GRAMD4: variants seen among roughly 807,000 people sequenced by gnomAD.
The protein encoded by GRAMD4 is GRAM domain containing 4.
GRAMD4 carries 25 observed loss-of-function variants against 83.9 expected under a neutral mutation model. That is an observed-to-expected ratio of 0.30 (90% CI 0.22 to 0.42). The LOEUF is 0.42. Among genes scored for constraint, GRAMD4 ranks in the 10% least tolerant of loss-of-function variants. The pLI is 1.00. For synonymous variants in GRAMD4, 336 were observed against 320.9 expected, an observed-to-expected ratio of 1.05 and a Z score of -0.50; for missense variants, 593 against 788.7, an observed-to-expected ratio of 0.75 and a Z score of 2.97.
chr22:46,682,673 C>G (rs2082676709), downstream of GRAMD4, among the ~76,000 whole-genome samples: 1 of 152,226 alleles, frequency 6.6e-6, no homozygotes, highest in Non-Finnish European at 1.5e-5. Context: ...ATCGCGAACA[C>G]CCCCCAAAAT....
intron 1 of GRAMD4, among the ~76,000 whole-genome samples, chr22:46,624,372 A>G (rs1365522665): frequency 4.5e-5 from 5 of 111,474 alleles, no homozygotes; most frequent in Non-Finnish European, 6.6e-5. Context: ...CTCACTGCCC[A>G]GGCTGGAGTG....
At chr22:46,616,193 C>G (rs1411780756), upstream of GRAMD4, among the ~76,000 whole-genome samples, 4 of 57,566 alleles carry the variant, frequency 6.9e-5, no homozygotes, top group African/African-American at 1.5e-4. Context: ...CCTGTGTGTA[C>G]GTTCCCCTGT....
At position 46,577,421 on chromosome 22, in the gene GRAMD4, C is replaced by CCG. The variant is rs1424107068; in HGVS notation, c.-50+132_-50+133insGC. The CCG allele has an allele frequency of 1.5e-4, 70 of 456,512 alleles. 1 individual carries two copies. Among genetic ancestry groups the CCG allele is most frequent in the Non-Finnish European group, 1.9e-4 (66 of 348,122 alleles). The allele number at this position is 456,512 out of a possible 1,614,324, so 28.3% of individuals were successfully genotyped here. The stretch of plus-strand genomic sequence containing the variant: ...CCCGCCGCCGCCGCCGCCGCCCGGG[C>CCG]CCGAGCCGGCGACCCTCCGAGCAGG... On this transcript the variant is annotated intron_variant, in intron 1 of 1. Coordinates refer to the GRAMD4 transcript ENST00000431155.
chr22:46,654,447 G>GTGA (rs1361556327), intron 3 of GRAMD4, among the ~76,000 whole-genome samples: 3 of 152,218 alleles, frequency 2.0e-5, no homozygotes, highest in Non-Finnish European at 2.9e-5. Flanking sequence ...AGCCCGGCGT[G>GTGA]TGATGATTAC....
upstream of GRAMD4, among the ~76,000 whole-genome samples, chr22:46,617,847 A>G (rs1406362614): frequency 6.6e-6 from 1 of 152,216 alleles, no homozygotes; most frequent in Non-Finnish European, 1.5e-5. Context: ...TGACCCTCGT[A>G]TGACTCAAGC....
chr22:46,658,067 T>G (rs750229587), intron 3 of GRAMD4, 120 bp from the exon 4 acceptor site: 21 of 1,241,622 alleles, frequency 1.7e-5, no homozygotes, highest in Non-Finnish European at 2.5e-5. Context: ...GGTGCTCAGG[T>G]CCGCTTACGG....
At chr22:46,643,939 C>G (rs998108272) in intron 3 of GRAMD4, among the ~76,000 whole-genome samples, 2 of 152,140 alleles carry the variant, frequency 1.3e-5, no homozygotes, top group East Asian at 1.9e-4. Context: ...TCAGAGAAGT[C>G]GAGTTTGTCT....
chr22:46,682,308 C>A, downstream of GRAMD4: 1 of 456,958 alleles, frequency 2.2e-6, no homozygotes, highest in Non-Finnish European at 2.9e-6. Flanking sequence ...CAGCTGGCAT[C>A]GCAAGCTAGG....
chr22:46,661,220 G>A (rs1002478718), intron 4 of GRAMD4, among the ~76,000 whole-genome samples, 161 bp from the exon 5 acceptor site: 2 of 152,224 alleles, frequency 1.3e-5, no homozygotes, highest in African/African-American at 2.4e-5. Flanking sequence ...GCCTGGATAC[G>A]CTCGGAACCA....
intron 1 of GRAMD4, among the ~76,000 whole-genome samples, chr22:46,581,092 G>A (rs1007000105): frequency 3.4e-4 from 52 of 152,158 alleles, no homozygotes; most frequent in South Asian, 6.2e-4. Context: ...ACTTTGGGCT[G>A]GTAATTCGCC....
rs980701533 is a variant in GRAMD4 at position 46,639,182 on chromosome 22, A to G, written c.283+1222A>G. On this transcript the variant is annotated intron_variant, in intron 3 of 18. Coordinates refer to ENST00000406902, the MANE Select transcript of GRAMD4 (RefSeq NM_015124.5). The stretch of plus-strand genomic sequence containing the variant: ...TGTGTGTGTGTGTGTGTGTGTGTGT[A>G]TGTACAGTGGTGGTTAACTCTGTGT... 5.0e-3 allele frequency among the ~76,000 whole-genome samples: 565 copies of G among 113,902 alleles called. 3 individuals carry two copies. Among genetic ancestry groups the G allele is most frequent in the African/African-American group, 0.017 (532 of 32,152 alleles). 74.7% of individuals were successfully genotyped at this position (113,902 alleles called of 152,430 possible).
chr22:46,628,074 A>G (rs545672772), intron 2 of GRAMD4, among the ~76,000 whole-genome samples: 7 of 152,306 alleles, frequency 4.6e-5, no homozygotes, highest in African/African-American at 1.7e-4. Flanking sequence ...CACAGAGGGC[A>G]TGGGTCACGA....
chr22:46,668,604 C>A, intron 11 of GRAMD4, 85 bp from the exon 12 acceptor site: 1 of 1,294,244 alleles, frequency 7.7e-7, no homozygotes, highest in Non-Finnish European at 1.1e-6. Context: ...CAGGGCTGCC[C>A]GACCTGGAGG....
intron 1 of GRAMD4, among the ~76,000 whole-genome samples, chr22:46,610,810 C>T (rs928811787): frequency 6.6e-6 from 1 of 152,224 alleles, no homozygotes; most frequent in Non-Finnish European, 1.5e-5. Context: ...AAACGCATCC[C>T]TCCGTGTGTT....
chr22:46,579,791 C>G (rs1318530009), intron 1 of GRAMD4, among the ~76,000 whole-genome samples: 1 of 152,168 alleles, frequency 6.6e-6, no homozygotes, highest in Non-Finnish European at 1.5e-5. Flanking sequence ...TGACAGGGCT[C>G]CGGCCAGGGG....
chr22:46,636,132 C>G (rs1479058614), intron 2 of GRAMD4, among the ~76,000 whole-genome samples: 1 of 152,190 alleles, frequency 6.6e-6, no homozygotes, highest in African/African-American at 2.4e-5. Flanking sequence ...GCTTGGAGCC[C>G]CAGACCCATG....
rs1049428127 is a variant in GRAMD4 at position 46,677,782 on chromosome 22, C to T, written c.*531C>T. On this transcript the variant is annotated 3_prime_UTR_variant, in exon 19 of 19. Transcript: ENST00000406902. ...AACGGGCCTGGCGGCCCTCCTTCCT[C>T]TTACATGAGACCCTCCTGTGGCATT... is the stretch of plus-strand genomic sequence containing the variant. The T allele has an allele frequency of 6.0e-5, 59 of 985,900 alleles. No homozygotes were observed. Among genetic ancestry groups the T allele is most frequent in the Non-Finnish European group, 6.7e-5 (56 of 830,296 alleles). 61.1% of individuals were successfully genotyped at this position (985,900 alleles called of 1,614,324 possible).
Position 46,678,690 on chromosome 22 carries a change from T to G in GRAMD4, c.*1439T>G. 2 of 985,692 alleles carry G rather than the reference T, an allele frequency of 2.0e-6. No individual in the cohort carries two copies. The highest frequency in any genetic ancestry group is 2.4e-6 in the Non-Finnish European group (2 of 829,924). The allele number at this position is 985,692 out of a possible 1,614,324, so 61.1% of individuals were successfully genotyped here. A position where few individuals can be genotyped will look rare whatever the true frequency, so the allele number is the denominator to read the frequency against. On this transcript the variant is annotated 3_prime_UTR_variant, in exon 19 of 19. Coordinates refer to ENST00000406902, the MANE Select transcript of GRAMD4 (RefSeq NM_015124.5). Reference sequence around the variant, plus strand: ...TACAGCGAGCAAGCTGGTTTTCTTATTTTTGTATCCTTTTTCAGATGTAAT... The same window carrying G: ...TACAGCGAGCAAGCTGGTTTTCTTAGTTTTGTATCCTTTTTCAGATGTAAT...
chr22:46,589,043 C>T (rs1049294914), intron 1 of GRAMD4, among the ~76,000 whole-genome samples: 11 of 152,040 alleles, frequency 7.2e-5, no homozygotes, highest in African/African-American at 1.2e-4. Context: ...GGGTACGCAG[C>T]AGGTGCTTCG....
Sources: gnomAD v4.1 joint callset for allele counts (sites outside exome capture counted in the v4.1 genomes callset) on GRCh38, gnomAD v4.1.1 for gene constraint, MANE v1.5 for transcripts, NCBI Gene and HGNC (gene_info 2026-07-23, HGNC 2026-07-21) for gene names.